The following TENM2 variants were observed in gnomAD, a reference collection of about 807,000 sequenced individuals.
TENM2 encodes the protein teneurin transmembrane protein 2.
Under a neutral mutation model 245.2 loss-of-function variants are expected in TENM2, and 52 were observed. That is an observed-to-expected ratio of 0.21 (90% CI 0.17 to 0.27). The LOEUF is 0.27. Among genes scored for constraint, TENM2 ranks in the 10% least tolerant of loss-of-function variants. The pLI, the probability that TENM2 is intolerant of heterozygous loss-of-function variation, is 1.00. For missense variants in TENM2, 3,046 were observed against 3,666.8 expected, an observed-to-expected ratio of 0.83 and a Z score of 4.37; for synonymous variants, 1,363 against 1,438.9, an observed-to-expected ratio of 0.95 and a Z score of 1.19.
chr5:167,341,890 A>G (rs1042772275), intron 1 of TENM2, among the ~76,000 whole-genome samples: 3 of 152,082 alleles, frequency 2.0e-5, no homozygotes, highest in South Asian at 2.1e-4. Flanking sequence ...AATTTCCCCA[A>G]TTCATCTCCC....
At chr5:167,996,071 C>T (rs936797062) in intron 5 of TENM2, among the ~76,000 whole-genome samples, 1 of 152,110 alleles carries the variant, frequency 6.6e-6, no homozygotes, top group East Asian at 1.9e-4. Flanking sequence ...TGCCAGGCAC[C>T]GTGACAAATA....
At chr5:168,072,745 A>C (rs138845925) in intron 7 of TENM2, among the ~76,000 whole-genome samples, 1 of 152,320 alleles carries the variant, frequency 6.6e-6, no homozygotes, top group African/African-American at 2.4e-5. Context: ...TGTTGTAAGA[A>C]TAAATGAGAT....
chr5:167,811,128 T>G (rs976062483), intron 2 of TENM2, among the ~76,000 whole-genome samples: 2 of 152,076 alleles, frequency 1.3e-5, no homozygotes, highest in Non-Finnish European at 1.5e-5. Flanking sequence ...ATCCCCAGAG[T>G]GTAGAATTCT....
chr5:167,967,300 A>C (rs1202863629), intron 4 of TENM2, among the ~76,000 whole-genome samples: 1 of 152,242 alleles, frequency 6.6e-6, no homozygotes, highest in Admixed American at 6.5e-5. Context: ...AAGCAAGCCT[A>C]GTCTAATCCA....
At chr5:167,272,332 G>A in the TENM2 span, among the ~76,000 whole-genome samples, 1 of 152,126 alleles carries the variant, frequency 6.6e-6, no homozygotes, top group Admixed American at 6.6e-5. Context: ...AGGAATAAAG[G>A]ATAAAGGCAC....
chr5:167,608,258 T>C (rs982864588), intron 2 of TENM2, among the ~76,000 whole-genome samples: 9 of 152,186 alleles, frequency 5.9e-5, no homozygotes, highest in Non-Finnish European at 1.2e-4. Flanking sequence ...TTATTCTAGT[T>C]TTTGGTGCTC....
At chr5:167,326,547 C>T (rs757914040) in intron 1 of TENM2, among the ~76,000 whole-genome samples, 2 of 151,752 alleles carry the variant, frequency 1.3e-5, no homozygotes, top group African/African-American at 2.4e-5. Context: ...GTGGTGCACG[C>T]GTGTAGTCCC....
chr5:167,137,937 T>G, the TENM2 span, among the ~76,000 whole-genome samples: 1 of 152,174 alleles, frequency 6.6e-6, no homozygotes, highest in Non-Finnish European at 1.5e-5. Context: ...GACCAGAAAA[T>G]TCATCTAATC....
chr5:167,935,070 G>A (rs2151729086), intron 3 of TENM2: 1 of 222,140 alleles, frequency 4.5e-6, no homozygotes, highest in East Asian at 1.8e-4. Flanking sequence ...ACAGAGCCAG[G>A]GCAAGAGTGT....
the TENM2 span, among the ~76,000 whole-genome samples, chr5:167,169,755 T>A: frequency 2.0e-5 from 3 of 152,216 alleles, no homozygotes; most frequent in African/African-American, 7.2e-5. Context: ...ATATGTCATA[T>A]CCCTCTTTTG....
intron 4 of TENM2, among the ~76,000 whole-genome samples, chr5:167,968,666 G>A (rs1781554097): frequency 6.6e-6 from 1 of 152,068 alleles, no homozygotes; most frequent in Non-Finnish European, 1.5e-5. Flanking sequence ...ACTTAACACT[G>A]GTATGTTCTT....
intron 2 of TENM2, among the ~76,000 whole-genome samples, chr5:167,678,392 G>GT (rs1756478312): frequency 6.6e-6 from 1 of 151,976 alleles, no homozygotes; most frequent in African/African-American, 2.4e-5. Context: ...AATGCAGGGC[G>GT]TTTTTTACTT....
intron 17 of TENM2, among the ~76,000 whole-genome samples, chr5:168,201,111 A>G (rs576965190): frequency 6.6e-6 from 1 of 152,200 alleles, no homozygotes; most frequent in South Asian, 2.1e-4. Context: ...GGAGAGGGTA[A>G]GAAAGTTGCC....
chr5:167,897,281 G>A (rs1442538510), intron 3 of TENM2, among the ~76,000 whole-genome samples: 2 of 112,278 alleles, frequency 1.8e-5, no homozygotes, highest in African/African-American at 3.0e-5. Flanking sequence ...GCCATTAGCT[G>A]AACTGGTACC....
At chr5:167,350,689 A>G (rs1034735617) in intron 1 of TENM2, among the ~76,000 whole-genome samples, 1 of 138,690 alleles carries the variant, frequency 7.2e-6, no homozygotes, top group African/African-American at 2.6e-5. Flanking sequence ...ATATATATAT[A>G]TGGGATACAT....
intron 12 of TENM2, among the ~76,000 whole-genome samples, chr5:168,132,359 C>T (rs1380389266): frequency 6.6e-6 from 1 of 152,184 alleles, no homozygotes; most frequent in Admixed American, 6.5e-5. Flanking sequence ...TATGACTCAT[C>T]ATTCTGTAGT....
At chr5:167,710,122 A>T (rs1028823712) in intron 2 of TENM2, among the ~76,000 whole-genome samples, 6 of 152,148 alleles carry the variant, frequency 3.9e-5, no homozygotes, top group African/African-American at 1.4e-4. Flanking sequence ...TTGAACATAA[A>T]ATTTACCAGT....
At chr5:167,928,929 GGAAAAAGAAA>G (rs1286584824) in intron 3 of TENM2, among the ~76,000 whole-genome samples, 2 of 103,396 alleles carry the variant, frequency 1.9e-5, no homozygotes, top group East Asian at 2.5e-4. Context: ...GAAGAAAGAA[GGAAAAAGAAA>G]GAAAAAGAAA....
chr5:167,830,077 C>G (rs1768334520), intron 2 of TENM2, among the ~76,000 whole-genome samples: 1 of 152,190 alleles, frequency 6.6e-6, no homozygotes, highest in South Asian at 2.1e-4. Context: ...ATCCACTAGG[C>G]TGGAGCTAAG....
Sources: allele counts gnomAD v4.1 joint callset (sites outside exome capture counted in the v4.1 genomes callset), GRCh38; gene constraint gnomAD v4.1.1; transcripts MANE v1.5; gene names NCBI Gene and HGNC (gene_info 2026-07-23, HGNC 2026-07-21).